PRDM16: variants seen among roughly 807,000 people sequenced by gnomAD.
PRDM16 encodes the protein histone-lysine N-methyltransferase PRDM16.
PRDM16 carries 23 observed loss-of-function variants against 110.6 expected under a neutral mutation model. The observed-to-expected ratio is 0.21, with a 90% CI of 0.15 to 0.29. PRDM16 has a LOEUF of 0.29. Ranked by LOEUF, PRDM16 falls within the 10% of genes least tolerant of loss-of-function variation. The pLI is 1.00. For missense variants in PRDM16, 1,615 were observed against 1,794.3 expected (o/e 0.90, Z 1.81); for synonymous variants, 799 against 781.8 (o/e 1.02, Z -0.37).
At chr1:3,212,618 A>G (rs11803063) in intron 2 of PRDM16, among the ~76,000 whole-genome samples, 1 of 122,628 alleles carries the variant, frequency 8.2e-6, no homozygotes, top group African/African-American at 3.7e-5. Flanking sequence ...CCCCTCGCTG[A>G]GGTCCTCCCG....
At chr1:3,415,364 C>T (rs999363019) in intron 10 of PRDM16, among the ~76,000 whole-genome samples, 5 of 152,272 alleles carry the variant, frequency 3.3e-5, no homozygotes, top group African/African-American at 4.8e-5. Flanking sequence ...TCCTGAGGGT[C>T]GCACAGTGGG....
intron 3 of PRDM16, among the ~76,000 whole-genome samples, chr1:3,279,793 G>T (rs950502995): frequency 4.7e-5 from 7 of 148,298 alleles, no homozygotes; most frequent in African/African-American, 1.8e-4. Context: ...CAGAGCCTGC[G>T]GGGGGGTGGG....
At chr1:3,227,909 C>T (rs994535318) in intron 2 of PRDM16, among the ~76,000 whole-genome samples, 8 of 152,050 alleles carry the variant, frequency 5.3e-5, no homozygotes, top group Non-Finnish European at 1.0e-4. Context: ...CAAGTGCCAA[C>T]ACCACTATGA....
intron 3 of PRDM16, among the ~76,000 whole-genome samples, chr1:3,371,246 T>A (rs1316018136): frequency 2.5e-5 from 3 of 121,590 alleles, no homozygotes; most frequent in Non-Finnish European, 5.0e-5. Flanking sequence ...TCCATTCGTT[T>A]ATTCATCCAT....
intron 1 of PRDM16, among the ~76,000 whole-genome samples, chr1:3,084,345 G>A (rs138962646): frequency 6.6e-6 from 1 of 152,194 alleles, no homozygotes; most frequent in Non-Finnish European, 1.5e-5. Flanking sequence ...TGAAGCATGG[G>A]GCCCAGTAAG....
In PRDM16 at chr1:3,384,883, G is replaced by T. The variant is rs77371469; in HGVS notation, c.439-269G>T. On this transcript the variant is annotated intron_variant, in intron 3 of 16. Coordinates refer to ENST00000270722, the MANE Select transcript of PRDM16 (RefSeq NM_022114.4). ...AACTCTGGAGGCTCATTTTATCGCC[G>T]GGCCAGGGCAGTGATCTGCTCGGTG... Among the ~76,000 whole-genome samples the T allele has an allele frequency of 3.5e-3, 537 of 152,278 alleles. 3 individuals are homozygous for T. The highest frequency in any genetic ancestry group is 0.028 in the South Asian group (135 of 4,826).
At position 3,265,071 on chromosome 1, in the gene PRDM16, C is replaced by CCCAGGAGGGAGGGGAGA. The variant is rs1640255855; in HGVS notation, c.438+20939_438+20955dup. Among the ~76,000 whole-genome samples the CCCAGGAGGGAGGGGAGA allele has an allele frequency of 6.6e-6, 1 of 150,636 alleles. No homozygotes were observed. Among genetic ancestry groups the CCCAGGAGGGAGGGGAGA allele is most frequent in the South Asian group, 2.1e-4 (1 of 4,728 alleles). On this transcript the variant is annotated intron_variant, in intron 3 of 16. Coordinates refer to ENST00000270722, the MANE Select transcript of PRDM16 (RefSeq NM_022114.4). The surrounding 1 kb of genome is among the most constrained non-coding windows in gnomAD (Gnocchi z 4.5). ...CCCCCAGCCTCTCTCTGACCCAGGG[C>CCCAGGAGGGAGGGGAGA]CCAGGAGGGAGGGGAGACCAGCAGG...
chr1:3,097,271 A>G (rs1642426240), intron 1 of PRDM16, among the ~76,000 whole-genome samples: 1 of 152,182 alleles, frequency 6.6e-6, no homozygotes, highest in Non-Finnish European at 1.5e-5. Context: ...CCTGCCTCGG[A>G]CAAATTTCCC....
At position 3,080,845 on chromosome 1, in the gene PRDM16, C is replaced by T. The variant is rs111827838; in HGVS notation, c.37+11549C>T. ...TTAATATCTCAGAGCCCCAGAGACT[C>T]GGCGTCTCCGACCCTGAGCCCACAT... On this transcript the variant is annotated intron_variant, in intron 1 of 16. Transcript: ENST00000270722. The surrounding 1 kb of genome is among the most constrained non-coding windows in gnomAD (Gnocchi z 5.2). Among the ~76,000 whole-genome samples, 3 of 152,182 alleles carry T rather than the reference C, an allele frequency of 2.0e-5. No homozygotes were observed. The highest frequency in any genetic ancestry group is 2.1e-4 in the South Asian group (1 of 4,810).
At chr1:3,114,515 CAT>C (rs764283909) in intron 1 of PRDM16, among the ~76,000 whole-genome samples, 54 of 151,794 alleles carry the variant, frequency 3.6e-4, no homozygotes, top group East Asian at 1.9e-3. Context: ...TGCACACACA[CAT>C]GAACACACGC....
chr1:3,295,506 T>C lies in PRDM16; in HGVS notation c.438+51369T>C, dbSNP rs922774286. Among the ~76,000 whole-genome samples the C allele has an allele frequency of 3.9e-5, 6 of 152,038 alleles. 1 individual carries two copies. The highest frequency in any genetic ancestry group is 8.8e-5 in the Non-Finnish European group (6 of 67,992). ...GCGTGTGGGGGCTGGGAAGAGAGTG[T>C]CCTTCAATGCAGGTGTGCAGGTAGC... On this transcript the variant is annotated intron_variant, in intron 3 of 16. Transcript: ENST00000270722.
chr1:3,438,239 T>C lies in PRDM16; in HGVS notation c.*4428T>C, dbSNP rs1325272209. 1 of 201,864 alleles carries C rather than the reference T, an allele frequency of 5.0e-6. No homozygotes were observed. The highest frequency in any genetic ancestry group is 2.3e-5 in the African/African-American group (1 of 43,534). 12.5% of individuals were successfully genotyped at this position (201,864 alleles called of 1,614,324 possible). A position where few individuals can be genotyped will look rare whatever the true frequency, so the allele number is the denominator to read the frequency against. On this transcript the variant is annotated 3_prime_UTR_variant, in exon 17 of 17. Coordinates refer to ENST00000270722, the MANE Select transcript of PRDM16 (RefSeq NM_022114.4). ...TAGCGGTCATTATCGTGTCTGTTGG[T>C]GAAATTTTTATTAAAAGGAAAATTC...
At position 3,436,023 on chromosome 1, in the gene PRDM16, CCTT is replaced by C. The variant is rs1471765310; in HGVS notation, c.*2215_*2217del. 4.3e-6 allele frequency: 1 copy of C among 230,286 alleles called. No individual in the cohort carries two copies. The highest frequency in any genetic ancestry group is 2.2e-5 in the African/African-American group (1 of 45,114). The allele number at this position is 230,286 out of a possible 1,614,324, so 14.3% of individuals were successfully genotyped here. A position where few individuals can be genotyped will look rare whatever the true frequency, so the allele number is the denominator to read the frequency against. ...GGATCTGCAAACACAACTGCTCAGGCCTTCTCACGCGTTTCCACAACATCCCCT... is the reference window on the plus strand; with the variant it reads ...GGATCTGCAAACACAACTGCTCAGGCCTCACGCGTTTCCACAACATCCCCT... On this transcript the variant is annotated 3_prime_UTR_variant, in exon 17 of 17. Coordinates refer to ENST00000270722, the MANE Select transcript of PRDM16 (RefSeq NM_022114.4).
intron 1 of PRDM16, among the ~76,000 whole-genome samples, chr1:3,098,392 G>C (rs1642455894): frequency 6.6e-6 from 1 of 152,162 alleles, no homozygotes; most frequent in Non-Finnish European, 1.5e-5. Flanking sequence ...AGCTGGCAAG[G>C]GGCTTAATGG....
At chr1:3,177,529 T>C (rs1037946561) in intron 1 of PRDM16, among the ~76,000 whole-genome samples, 1 of 152,236 alleles carries the variant, frequency 6.6e-6, no homozygotes, top group Non-Finnish European at 1.5e-5. Flanking sequence ...CAACTCCACC[T>C]TCCCTCCAGG....
chr1:3,112,216 A>G (rs951778370), intron 1 of PRDM16, among the ~76,000 whole-genome samples: 3 of 152,222 alleles, frequency 2.0e-5, no homozygotes, highest in African/African-American at 7.2e-5. Context: ...TAAAAGGATT[A>G]AACGGACCTC....
At chr1:3,187,932 C>T (rs997061700) in intron 2 of PRDM16, among the ~76,000 whole-genome samples, 4 of 152,122 alleles carry the variant, frequency 2.6e-5, no homozygotes, top group Non-Finnish European at 5.9e-5. Context: ...CCCTGTGGAA[C>T]GGGCGTACCC....
intron 1 of PRDM16, among the ~76,000 whole-genome samples, chr1:3,088,009 A>G (rs1227158504): frequency 2.0e-5 from 3 of 150,594 alleles, no homozygotes; most frequent in Admixed American, 2.0e-4. Flanking sequence ...TGCCCTCCTC[A>G]TTTCACTGCT....
intron 1 of PRDM16, among the ~76,000 whole-genome samples, chr1:3,136,627 G>A (rs946704991): frequency 1.3e-5 from 2 of 152,164 alleles, no homozygotes; most frequent in Non-Finnish European, 1.5e-5. Flanking sequence ...CACAAAGGTC[G>A]TTTCTCTTGC....
Sources: allele counts gnomAD v4.1 joint callset (sites outside exome capture counted in the v4.1 genomes callset), GRCh38; gene constraint gnomAD v4.1.1; non-coding constraint Gnocchi (gnomAD v3.1); transcripts MANE v1.5; gene names NCBI Gene and HGNC (gene_info 2026-07-23, HGNC 2026-07-21).